DSE: variants seen among roughly 807,000 people sequenced by gnomAD.
The protein encoded by DSE is dermatan sulfate epimerase, also known as dermatan-sulfate epimerase.
In DSE, 36 loss-of-function variants were observed where a neutral mutation model predicts 84.4. The ratio of observed to expected loss-of-function variants is 0.43; its 90% CI spans 0.33 to 0.56. The LOEUF (loss-of-function observed/expected upper bound fraction) is 0.56, where lower values mean the gene tolerates loss of function less well. DSE is among the 20% of genes least tolerant of loss of function. The pLI is 0.06. For missense variants in DSE, 862 were observed against 1,169.6 expected (o/e 0.74, Z 3.84); for synonymous variants, 410 against 430.1 (o/e 0.95, Z 0.58).
At chr6:116,287,308 A>G (rs1428856575) in intron 2 of DSE, among the ~76,000 whole-genome samples, 4 of 152,170 alleles carry the variant, frequency 2.6e-5, no homozygotes, top group Non-Finnish European at 1.5e-5. Flanking sequence ...ATGAAGTTTT[A>G]TGAATACCTT....
chr6:116,419,976 A>G (rs550141170), intron 2 of DSE, among the ~76,000 whole-genome samples: 1 of 152,196 alleles, frequency 6.6e-6, no homozygotes, highest in Non-Finnish European at 1.5e-5. Flanking sequence ...AGATTTGCCT[A>G]TACTGTGGAT....
chr6:116,263,429 T>A lies in DSE; in HGVS notation c.-54+4462T>A, dbSNP rs538563782. Among the ~76,000 whole-genome samples the A allele has an allele frequency of 2.8e-4, 43 of 152,286 alleles. 1 individual carries two copies. The South Asian group carries it at 2.9e-3, about 10-fold the overall frequency. On this transcript the variant is annotated intron_variant, in intron 2 of 3. Transcript: ENST00000430252. ...TGTCAGAAGCTAGGATTGCAACCCT[T>A]GCTTTTTTCTGTTTTCCATTTGCTT...
chr6:116,265,253 G>A (rs1772576441), intron 2 of DSE, among the ~76,000 whole-genome samples: 1 of 152,088 alleles, frequency 6.6e-6, no homozygotes, highest in African/African-American at 2.4e-5. Context: ...GGTCACTGAT[G>A]GGCACAGGTC....
chr6:116,369,547 G>A (rs9488913), upstream of DSE, among the ~76,000 whole-genome samples: 5,123 of 152,280 alleles, frequency 0.034, 255 homozygotes, highest in African/African-American at 0.11. Flanking sequence ...CTGAGGTTCT[G>A]ATGTTAGTTT....
chr6:116,414,886 C>G (rs1562295585), intron 2 of DSE, among the ~76,000 whole-genome samples: 1 of 151,916 alleles, frequency 6.6e-6, no homozygotes, highest in Admixed American at 6.5e-5. Flanking sequence ...GACTCTCACT[C>G]TTGTGTAAGT....
At position 116,435,753 on chromosome 6, in the gene DSE, G is replaced by A; in HGVS notation, c.1285G>A (p.Asp429Asn). 6.2e-7 allele frequency: 1 copy of A among 1,614,026 alleles called. No individual in the cohort carries two copies. The highest frequency in any genetic ancestry group is 8.5e-7 in the Non-Finnish European group (1 of 1,179,998). The change falls in exon 6 of 6, where the codon GAC becomes AAC. Residue 429 changes from aspartate (D) to asparagine (N), a missense_variant. Physicochemically the swap from Asp to Asn is conservative, Grantham distance 23. Transcript: ENST00000644252. Reference sequence around the variant, plus strand: ...AAAACTGGGGGGACGTGCAATATATGACATTGTCCACAGAAACAAATACAA... The same window carrying A: ...AAAACTGGGGGGACGTGCAATATATAACATTGTCCACAGAAACAAATACAA... ...SGKLGGRAIY[D>N]IVHRNKYKDW... is the part of the protein sequence containing the mutation.
intron 1 of DSE, among the ~76,000 whole-genome samples, chr6:116,377,485 A>G (rs1457940243): frequency 1.3e-5 from 2 of 152,206 alleles, no homozygotes; most frequent in African/African-American, 2.4e-5. Context: ...TTTTTGTAAA[A>G]TGCAGTAATC....
intron 2 of DSE, among the ~76,000 whole-genome samples, chr6:116,323,944 C>T (rs1776474891): frequency 1.3e-5 from 2 of 152,142 alleles, no homozygotes; most frequent in Admixed American, 1.3e-4. Context: ...ATTTATCCAA[C>T]TCTTCTCTTT....
At chr6:116,278,744 G>A in intron 2 of DSE, 1 of 1,614,102 alleles carries the variant, frequency 6.2e-7, no homozygotes, top group East Asian at 2.2e-5. Flanking sequence ...AAGGACTGGG[G>A]TTCATGCCCC....
chr6:116,275,373 G>T (rs1488664399), intron 2 of DSE, among the ~76,000 whole-genome samples: 1 of 152,190 alleles, frequency 6.6e-6, no homozygotes, highest in Non-Finnish European at 1.5e-5. Context: ...AGTTATTTAG[G>T]AATGGCATTG....
At chr6:116,396,561 C>T (rs1335419113) in intron 1 of DSE, among the ~76,000 whole-genome samples, 1 of 152,212 alleles carries the variant, frequency 6.6e-6, no homozygotes, top group Non-Finnish European at 1.5e-5. Flanking sequence ...CTCTGACTCC[C>T]TTGCACGAAT....
At chr6:116,387,111 A>C (rs1194879426) in intron 1 of DSE, among the ~76,000 whole-genome samples, 2 of 152,108 alleles carry the variant, frequency 1.3e-5, no homozygotes, top group Non-Finnish European at 2.9e-5. Context: ...CAGTGTCATG[A>C]CTCACCCATA....
At chr6:116,403,244 A>G (rs559781138) in intron 2 of DSE, among the ~76,000 whole-genome samples, 1 of 152,174 alleles carries the variant, frequency 6.6e-6, no homozygotes, top group Non-Finnish European at 1.5e-5. Flanking sequence ...AGGAACACAC[A>G]TTCTTCATTA....
chr6:116,258,839 C>A (rs747729945), exon 2 of DSE: 4 of 1,608,298 alleles, frequency 2.5e-6, no homozygotes, highest in Non-Finnish European at 3.4e-6. Context: ...GCATGCTTGA[C>A]GATGCACACA....
intron 2 of DSE, among the ~76,000 whole-genome samples, chr6:116,310,062 G>A (rs1240119375): frequency 1.3e-5 from 2 of 152,106 alleles, no homozygotes; most frequent in East Asian, 3.8e-4. Flanking sequence ...TTTTCTGCTA[G>A]GCACCTCACA....
At chr6:116,312,293 A>G (rs1179202661) in intron 2 of DSE, among the ~76,000 whole-genome samples, 1 of 152,222 alleles carries the variant, frequency 6.6e-6, no homozygotes, top group Non-Finnish European at 1.5e-5. Context: ...ATATATTTTG[A>G]AAAATATCAG....
chr6:116,334,317 AT>A (rs1777116071), intron 2 of DSE, among the ~76,000 whole-genome samples: 1 of 152,208 alleles, frequency 6.6e-6, no homozygotes, highest in Non-Finnish European at 1.5e-5. Flanking sequence ...GTCAAATCAT[AT>A]TCTGAAAGAT....
Position 116,278,496 on chromosome 6 carries a change from G to A in DSE, c.-54+19529G>A, listed in dbSNP as rs112613011. The A allele has an allele frequency of 4.1e-5, 66 of 1,613,522 alleles. 2 individuals carry two copies. The South Asian group carries it at 6.9e-4, about 17-fold the overall frequency. Reference sequence around the variant, plus strand: ...GAAGGTGGTAGGAGACCTTGTGCAGGAGTATTCCCAAGGGCAAATGTTAAC... The same window carrying A: ...GAAGGTGGTAGGAGACCTTGTGCAGAAGTATTCCCAAGGGCAAATGTTAAC... On this transcript the variant is annotated intron_variant, in intron 2 of 3. Coordinates refer to the DSE transcript ENST00000430252.
At chr6:116,278,963 A>C in intron 2 of DSE, 1 of 1,614,056 alleles carries the variant, frequency 6.2e-7, no homozygotes, top group Non-Finnish European at 8.5e-7. Context: ...ATCATGGCGG[A>C]CAACTGGGGG....
Sources: allele counts gnomAD v4.1 joint callset (sites outside exome capture counted in the v4.1 genomes callset), GRCh38; gene constraint gnomAD v4.1.1; transcripts MANE v1.5; gene names NCBI Gene and HGNC (gene_info 2026-07-23, HGNC 2026-07-21).